DNMT1: variants seen among roughly 807,000 people sequenced by gnomAD.
DNMT1 encodes DNA methyltransferase 1.
A neutral mutation model predicts 205.3 loss-of-function variants in DNMT1; 24 were observed. The ratio of observed to expected loss-of-function variants is 0.12; its 90% CI spans 0.08 to 0.16. DNMT1 has a LOEUF of 0.16. Ranked by LOEUF, DNMT1 falls within the 10% of genes least tolerant of loss-of-function variation. The pLI is 1.00. For synonymous variants in DNMT1, 817 were observed against 839.8 expected (o/e 0.97, Z 0.47); for missense variants, 1,293 against 2,177.7 (o/e 0.59, Z 8.09).
intron 9 of DNMT1, among the ~76,000 whole-genome samples, chr19:10,172,608 G>A (rs1053607438): frequency 2.6e-5 from 4 of 151,836 alleles, no homozygotes; most frequent in Non-Finnish European, 5.9e-5. Context: ...TGGATCACTC[G>A]AGGTCAGGAG....
At chr19:10,165,939 C>T (rs934449259) in intron 11 of DNMT1, among the ~76,000 whole-genome samples, 28 of 152,108 alleles carry the variant, frequency 1.8e-4, no homozygotes, top group Non-Finnish European at 3.4e-4. Flanking sequence ...GTGCTTGTCA[C>T]CCAGCAAGCC....
At chr19:10,192,285 C>T (rs1316238974) in intron 1 of DNMT1, among the ~76,000 whole-genome samples, 2 of 151,610 alleles carry the variant, frequency 1.3e-5, no homozygotes, top group Admixed American at 6.6e-5. Context: ...GATCCTGTCT[C>T]TTAAAAAAAA....
intron 1 of DNMT1, among the ~76,000 whole-genome samples, chr19:10,188,693 T>G (rs1599408965): frequency 6.6e-6 from 1 of 152,182 alleles, no homozygotes; most frequent in Admixed American, 6.6e-5. Flanking sequence ...GTGGGCCCAA[T>G]CTAATCACTT....
rs1202812326 is a variant in DNMT1, at chr19:10,176,830, C to A, written c.569+462G>T. ...CCGAGATCGTGCCACTGCACTCCAG[C>A]CTGGGTGACAGCCAGATGCTGTCTC... On this transcript the variant is annotated intron_variant, in intron 6 of 40. Coordinates refer to ENST00000359526, the MANE Select transcript of DNMT1 (RefSeq NM_001130823.3). Among the ~76,000 whole-genome samples, 5 of 152,108 alleles carry A rather than the reference C, an allele frequency of 3.3e-5. No homozygotes were observed. In the East Asian group the frequency reaches 9.6e-4, roughly 29 times the overall value.
intron 6 of DNMT1, 42 bp from the exon 7 acceptor site, chr19:10,175,660 C>T (rs753305146): frequency 1.9e-5 from 30 of 1,603,612 alleles, no homozygotes; most frequent in Admixed American, 1.2e-4. Flanking sequence ...GAACAAGACC[C>T]TAGGCCTCCA....
At chr19:10,184,993 C>T (rs1456311801) in intron 1 of DNMT1, among the ~76,000 whole-genome samples, 4 of 152,342 alleles carry the variant, frequency 2.6e-5, no homozygotes, top group South Asian at 2.1e-4. Flanking sequence ...CTGGGTCATG[C>T]GGGCCCTGAT....
At chr19:10,174,099 A>T (rs1325277448) in intron 7 of DNMT1, among the ~76,000 whole-genome samples, 194 bp from the exon 8 acceptor site, 9 of 152,192 alleles carry the variant, frequency 5.9e-5, no homozygotes, top group Non-Finnish European at 5.9e-5. Flanking sequence ...ACCCCAAAAC[A>T]AAAGCAGGTC....
In DNMT1 at chr19:10,156,518, G is replaced by A. The variant is rs773762222; in HGVS notation, c.1281-9C>T. ...CGTGCTTACAGTACACACTAGACAG[G>A]AAACAAAGCACATGCTTACCAGCTA... On this transcript the variant is annotated splice_polypyrimidine_tract_variant and intron_variant, in intron 17 of 40. Transcript: ENST00000359526. This position sits in a 1 kb window ranked among gnomAD's most constrained non-coding sequence, Gnocchi z 4.2. 2 of 1,605,800 alleles carry A rather than the reference G, an allele frequency of 1.2e-6. No individual in the cohort carries two copies. Among genetic ancestry groups the A allele is most frequent in the Admixed American group, 3.3e-5 (2 of 59,924 alleles).
At chr19:10,136,795 G>A (rs1173272834) in intron 37 of DNMT1, among the ~76,000 whole-genome samples, 1 of 149,666 alleles carries the variant, frequency 6.7e-6, no homozygotes, top group Non-Finnish European at 1.5e-5. Context: ...GTCTCACTCT[G>A]TCTCCCAGGC....
rs200024502 is a variant in DNMT1, at chr19:10,166,621, C to T, written c.868G>A (p.Glu290Lys). ...REARAGVQAD[E>K]DEDGDEKDEK... is the part of the protein sequence containing the mutation. ...ACTTTCTCGTCTCCATCTTCGTCCT[C>T]GTCAGCCTGCACGCCTGCCCTGGCT... The change falls in exon 11 of 41, where the codon GAG becomes AAG. Residue 290 changes from glutamate to lysine, a missense_variant. Coordinates refer to ENST00000359526, the MANE Select transcript of DNMT1 (RefSeq NM_001130823.3). The T allele has an allele frequency of 1.0e-4, 165 of 1,614,078 alleles. 1 individual carries two copies. Among genetic ancestry groups the T allele is most frequent in the Non-Finnish European group, 1.9e-5 (23 of 1,180,046 alleles).
intron 14 of DNMT1, 149 bp downstream of exon 14, chr19:10,160,235 C>T: frequency 6.7e-7 from 1 of 1,502,664 alleles, no homozygotes; most frequent in Non-Finnish European, 9.1e-7. Context: ...GGCATCCTGC[C>T]TGACGCACCT....
intron 1 of DNMT1, among the ~76,000 whole-genome samples, chr19:10,183,060 T>C (rs1042233842): frequency 6.7e-6 from 1 of 150,100 alleles, no homozygotes; most frequent in African/African-American, 2.4e-5. Flanking sequence ...TACATACGTA[T>C]ATATGTATAC....
At chr19:10,148,160 A>G (rs1293601910) in intron 27 of DNMT1, among the ~76,000 whole-genome samples, 2 of 148,894 alleles carry the variant, frequency 1.3e-5, no homozygotes, top group Non-Finnish European at 3.0e-5. Context: ...ATAATAAAAT[A>G]AAATAAAAAA....
At chr19:10,136,494 G>A (rs1568219255) in intron 37 of DNMT1, among the ~76,000 whole-genome samples, 1 of 152,148 alleles carries the variant, frequency 6.6e-6, no homozygotes, top group Non-Finnish European at 1.5e-5. Context: ...GGAGTGCAAT[G>A]GCATGATCTT....
rs756059212 is a variant in DNMT1 at position 10,154,799 on chromosome 19, T to A, written c.1645-26A>T. On this transcript the variant is annotated intron_variant, in intron 20 of 40. Transcript: ENST00000359526. The surrounding 1 kb of genome is among the most constrained non-coding windows in gnomAD (Gnocchi z 6.3). ...CTTGAAAGAGAACAGGTTTCTCTCA[T>A]GCTTAAGCCAAACTGGCCTAAATCC... The A allele has an allele frequency of 6.2e-7, 1 of 1,614,246 alleles. No individual in the cohort carries two copies. Among genetic ancestry groups the A allele is most frequent in the Non-Finnish European group, 8.5e-7 (1 of 1,180,046 alleles).
In DNMT1 at chr19:10,137,785, G is replaced by C; in HGVS notation, c.4293+47C>G. The C allele has an allele frequency of 6.3e-7, 1 of 1,596,552 alleles. No homozygotes were observed. The highest frequency in any genetic ancestry group is 1.3e-5 in the African/African-American group (1 of 74,708). The stretch of plus-strand genomic sequence containing the variant: ...GCAGGCTGACTGTTCCCACGAGGCT[G>C]CTGGGCTGGGCCTCGAGGAGGAGCC... On this transcript the variant is annotated intron_variant, in intron 36 of 40. Coordinates refer to ENST00000359526, the MANE Select transcript of DNMT1 (RefSeq NM_001130823.3). The surrounding 1 kb of genome is among the most constrained non-coding windows in gnomAD (Gnocchi z 6.4).
chr19:10,136,937 C>T (rs1302276162), intron 37 of DNMT1, 148 bp downstream of exon 37: 8 of 1,124,254 alleles, frequency 7.1e-6, no homozygotes, highest in Admixed American at 4.0e-5. Flanking sequence ...GCTTTTACTA[C>T]TCAACATGGT....
Position 10,182,398 on chromosome 19 carries a change from TATATATAC to T in DNMT1, c.81-329_81-322del. ...GTATATATATACATATATATGTGTA[TATATATAC>T]ATATATATGTGTATATATATGTGTG... On this transcript the variant is annotated intron_variant, in intron 1 of 40. Transcript: ENST00000359526. Among the ~76,000 whole-genome samples, 11 of 82,486 alleles carry T rather than the reference TATATATAC, an allele frequency of 1.3e-4. 1 individual carries two copies. Among genetic ancestry groups the T allele is most frequent in the African/African-American group, 3.1e-4 (7 of 22,708 alleles). 54.1% of individuals were successfully genotyped at this position (82,486 alleles called of 152,430 possible).
chr19:10,166,732 G>A (rs1396641732), intron 10 of DNMT1, 47 bp from the exon 11 acceptor site: 20 of 1,605,618 alleles, frequency 1.2e-5, no homozygotes, highest in African/African-American at 8.0e-5. Flanking sequence ...CTCGGGGGGG[G>A]CCCTGCACCG....
Sources: gnomAD v4.1 joint callset for allele counts (sites outside exome capture counted in the v4.1 genomes callset) on GRCh38, gnomAD v4.1.1 for gene constraint, Gnocchi (gnomAD v3.1) non-coding constraint, MANE v1.5 for transcripts, NCBI Gene and HGNC (gene_info 2026-07-23, HGNC 2026-07-21) for gene names.